The following PRH1 variants were observed in gnomAD, a reference collection of about 807,000 sequenced individuals.
PRH1 encodes proline rich protein HaeIII subfamily 1.
In PRH1, 7 loss-of-function variants were observed where a neutral mutation model predicts 7.9. The observed-to-expected ratio is 0.89, with a 90% CI of 0.50 to 1.67. The LOEUF (loss-of-function observed/expected upper bound fraction) is 1.67. PRH1 is among the 40% of genes most tolerant of loss of function. The pLI is 0.00. For missense variants in PRH1, 109 were observed against 223.6 expected, an observed-to-expected ratio of 0.49 and a Z score of 3.27; for synonymous variants, 45 against 80.8, an observed-to-expected ratio of 0.56 and a Z score of 2.38.
rs114246188 is a variant in PRH1, at chr12:10,917,445, T to C, written c.-58-33170A>G. On this transcript the variant is annotated intron_variant, in intron 2 of 3. Transcript: ENST00000539853. ...AATTACATTAAAATCAGTTCTTCTG[T>C]AGGATCATGTCATATTGATCTTTAT... Among the ~76,000 whole-genome samples the C allele has an allele frequency of 2.5e-3, 386 of 152,320 alleles. 1 individual carries two copies. Among genetic ancestry groups the C allele is most frequent in the African/African-American group, 8.6e-3 (359 of 41,564 alleles).
At chr12:11,042,623 CTTTTTTTTTTTT>C (rs71051557) in intron 1 of PRH1, among the ~76,000 whole-genome samples, 1 of 79,320 alleles carries the variant, frequency 1.3e-5, no homozygotes. Flanking sequence ...CAGGCTCATT[CTTTTTTTTTTTT>C]TTTTTTTTTT....
intron 2 of PRH1, among the ~76,000 whole-genome samples, chr12:10,926,715 T>C (rs1950128742): frequency 6.6e-6 from 1 of 152,122 alleles, no homozygotes; most frequent in Non-Finnish European, 1.5e-5. Context: ...TTGAGATGTA[T>C]TTTGAAGGTG....
chr12:10,892,250 T>C (rs1035505158), intron 2 of PRH1, among the ~76,000 whole-genome samples: 3 of 152,204 alleles, frequency 2.0e-5, no homozygotes, highest in Admixed American at 2.0e-4. Context: ...TCATGGAGAA[T>C]TTTTTTCCCA....
At chr12:11,102,909 T>A (rs11194331) in intron 1 of PRH1, among the ~76,000 whole-genome samples, 2 of 152,080 alleles carry the variant, frequency 1.3e-5, no homozygotes, top group Non-Finnish European at 2.9e-5. Context: ...CTCAAAAGAA[T>A]ACATTTATGC....
intron 2 of PRH1, among the ~76,000 whole-genome samples, chr12:10,949,378 G>T (rs1210922110): frequency 6.6e-6 from 1 of 152,236 alleles, no homozygotes; most frequent in African/African-American, 2.4e-5. Flanking sequence ...TCCAAGAGTG[G>T]CAAGGGCAGT....
chr12:10,958,189 A>G (rs1938069220), intron 2 of PRH1, among the ~76,000 whole-genome samples: 1 of 152,236 alleles, frequency 6.6e-6, no homozygotes, highest in South Asian at 2.1e-4. Context: ...AGACTGGATA[A>G]AGAAAATATG....
At chr12:10,972,704 A>G (rs1938875718) in intron 2 of PRH1, among the ~76,000 whole-genome samples, 1 of 152,172 alleles carries the variant, frequency 6.6e-6, no homozygotes, top group Admixed American at 6.5e-5. Context: ...TTGGATATCT[A>G]CATTTTTGAA....
At chr12:11,047,754 T>G (rs1239293061), upstream of PRH1, among the ~76,000 whole-genome samples, 1 of 152,118 alleles carries the variant, frequency 6.6e-6, no homozygotes, top group Admixed American at 6.5e-5. Context: ...TCACTCAAAT[T>G]TTATTGTGTG....
At chr12:11,063,283 C>G (rs945542310) in intron 1 of PRH1, among the ~76,000 whole-genome samples, 1 of 152,110 alleles carries the variant, frequency 6.6e-6, no homozygotes, top group Non-Finnish European at 1.5e-5. Context: ...ACTTGGAGTA[C>G]AACCATTTAA....
chr12:11,044,660 G>C (rs867927508), intron 1 of PRH1, among the ~76,000 whole-genome samples: 5 of 152,000 alleles, frequency 3.3e-5, no homozygotes. Context: ...TTTCTCAAAA[G>C]AAGATATACA....
At chr12:10,931,611 A>C (rs1950214811) in intron 2 of PRH1, among the ~76,000 whole-genome samples, 1 of 152,102 alleles carries the variant, frequency 6.6e-6, no homozygotes, top group Non-Finnish European at 1.5e-5. Flanking sequence ...ATAGCAATTC[A>C]TTTCTCCTCC....
chr12:11,020,601 A>G (rs1941571292), intron 1 of PRH1, among the ~76,000 whole-genome samples: 1 of 151,836 alleles, frequency 6.6e-6, no homozygotes. Flanking sequence ...TTCACCATTT[A>G]CACCATTATA....
intron 2 of PRH1, among the ~76,000 whole-genome samples, chr12:10,953,188 A>C (rs1474609202): frequency 6.6e-6 from 1 of 152,212 alleles, no homozygotes; most frequent in African/African-American, 2.4e-5. Context: ...GATGAGAAAG[A>C]ATCAGCACAA....
intron 1 of PRH1, chr12:10,986,961 T>C (rs1194531572): frequency 1.2e-6 from 1 of 825,706 alleles, no homozygotes; most frequent in Non-Finnish European, 1.8e-6. Flanking sequence ...GATTTCTGAA[T>C]GTGCAGTAAC....
chr12:11,011,606 T>A (rs561330115), intron 1 of PRH1, among the ~76,000 whole-genome samples: 1 of 152,262 alleles, frequency 6.6e-6, no homozygotes, highest in Non-Finnish European at 1.5e-5. Flanking sequence ...TCATAATTCC[T>A]ACATTGGATG....
rs561300264 is a variant in PRH1 at position 11,145,096 on chromosome 12, G to C, written n.40-23916C>G. Among the ~76,000 whole-genome samples the C allele has an allele frequency of 2.0e-4, 31 of 152,298 alleles. No homozygotes were observed. In the South Asian group the frequency reaches 6.2e-3, roughly 31 times the overall value. Reference sequence around the variant, plus strand: ...CTGTCTAGAGCTGCAATCTAGTCCTGCCTCACATCCATCTGCCACAATCCC... The same window carrying C: ...CTGTCTAGAGCTGCAATCTAGTCCTCCCTCACATCCATCTGCCACAATCCC... On this transcript the variant is annotated intron_variant and non_coding_transcript_variant, in intron 1 of 1. Transcript: ENST00000541175.
chr12:11,107,521 T>A (rs1156924693), intron 1 of PRH1, among the ~76,000 whole-genome samples: 1 of 152,168 alleles, frequency 6.6e-6, no homozygotes, highest in African/African-American at 2.4e-5. Flanking sequence ...CCAGCAGATG[T>A]TTTATCACAG....
intron 2 of PRH1, among the ~76,000 whole-genome samples, chr12:10,949,695 G>C (rs1179799767): frequency 6.6e-6 from 1 of 151,698 alleles, no homozygotes; most frequent in Non-Finnish European, 1.5e-5. Context: ...ACATAACATA[G>C]TTATGAAAAG....
chr12:11,070,538 C>A (rs1277537025), intron 1 of PRH1, among the ~76,000 whole-genome samples: 1 of 152,200 alleles, frequency 6.6e-6, no homozygotes, highest in East Asian at 1.9e-4. Context: ...TTCCAAGAGA[C>A]TTCCAATAAA....
Sources: allele counts gnomAD v4.1 joint callset (sites outside exome capture counted in the v4.1 genomes callset), GRCh38; gene constraint gnomAD v4.1.1; transcripts MANE v1.5; gene names NCBI Gene and HGNC (gene_info 2026-07-23, HGNC 2026-07-21).